SH3RF3: variants seen among roughly 807,000 people sequenced by gnomAD.
SH3RF3 encodes E3 ubiquitin-protein ligase SH3RF3.
A neutral mutation model predicts 66.3 loss-of-function variants in SH3RF3; 29 were observed. The ratio of observed to expected loss-of-function variants is 0.44; its 90% CI spans 0.33 to 0.60. SH3RF3 has a LOEUF of 0.60. Among genes scored for constraint, SH3RF3 ranks in the 20% least tolerant of loss-of-function variants. The probability of loss-of-function intolerance (pLI) is 0.04; values close to 1 mark genes in which losing one functional copy is unlikely to be tolerated. For missense variants in SH3RF3, 1,194 were observed against 1,190.9 expected, an observed-to-expected ratio of 1.00 and a Z score of -0.04; for synonymous variants, 583 against 532.0, an observed-to-expected ratio of 1.10 and a Z score of -1.32.
chr2:109,137,719 C>T (rs1400417838), intron 1 of SH3RF3, among the ~76,000 whole-genome samples: 2 of 152,228 alleles, frequency 1.3e-5, no homozygotes, highest in African/African-American at 4.8e-5. Context: ...TAAATGGTTG[C>T]AGGTTAACTA....
intron 1 of SH3RF3, among the ~76,000 whole-genome samples, chr2:109,289,412 T>C (rs1165985715): frequency 1.3e-5 from 2 of 152,196 alleles, no homozygotes; most frequent in African/African-American, 4.8e-5. Context: ...CACAAACTGT[T>C]GTTGGAACAT....
chr2:109,227,763 T>C (rs925046618), intron 1 of SH3RF3, among the ~76,000 whole-genome samples: 2 of 152,226 alleles, frequency 1.3e-5, no homozygotes, highest in Non-Finnish European at 2.9e-5. Flanking sequence ...GCAAGTTCTT[T>C]TTCTGGGTAG....
In SH3RF3 at chr2:109,176,973, G is replaced by C. The variant is rs138797749; in HGVS notation, c.573+46860G>C. On this transcript the variant is annotated intron_variant, in intron 1 of 9. Coordinates refer to ENST00000309415, the MANE Select transcript of SH3RF3 (RefSeq NM_001099289.3). The stretch of plus-strand genomic sequence containing the variant: ...AGATTTGGCATTTTAGGTGAGGTAT[G>C]ATGGCCTCAAGAGAGCCCTGCACTG... Among the ~76,000 whole-genome samples the C allele has an allele frequency of 2.0e-3, 298 of 152,298 alleles. 1 individual carries two copies. The highest frequency in any genetic ancestry group is 0.014 in the Middle Eastern group (4 of 294).
chr2:109,338,756 C>T (rs890249333), intron 1 of SH3RF3, among the ~76,000 whole-genome samples: 1 of 152,148 alleles, frequency 6.6e-6, no homozygotes, highest in Non-Finnish European at 1.5e-5. Context: ...TGGAGTTTCA[C>T]CATGTTGGCC....
At position 109,179,581 on chromosome 2, in the gene SH3RF3, T is replaced by C. The variant is rs188572963; in HGVS notation, c.573+49468T>C. On this transcript the variant is annotated intron_variant, in intron 1 of 9. Transcript: ENST00000309415. ...GAAGTCCAAGAACATGGTACTGGCA[T>C]CTGATGATATCCTTCCTGCTGTGTT... Among the ~76,000 whole-genome samples the C allele has an allele frequency of 1.5e-3, 230 of 152,340 alleles. 3 individuals carry two copies. The highest frequency in any genetic ancestry group is 3.7e-3 in the East Asian group (19 of 5,180).
At position 109,129,688 on chromosome 2, in the gene SH3RF3, T is replaced by C; in HGVS notation, c.148T>C (p.Ser50Pro). 1.3e-6 allele frequency: 2 copies of C among 1,525,738 alleles called. No individual in the cohort carries two copies. Among genetic ancestry groups the C allele is most frequent in the Non-Finnish European group, 1.8e-6 (2 of 1,141,472 alleles). The allele number at this position is 1,525,738 out of a possible 1,614,324, so 94.5% of individuals were successfully genotyped here. ...GGCGGGCGAGGACATGGACGAGTCG[T>C]CGCTGCTGGACCTGCTGGAGTGCTC... Reference protein sequence around the residue: ...AGAGEDMDESSLLDLLECSVC... With the variant: ...AGAGEDMDESPLLDLLECSVC... The change falls in exon 1 of 10, where the codon TCG (serine) becomes CCG (proline). Residue 50 changes from serine (S) to proline (P), a missense_variant. Ser to Pro is a moderately conservative substitution (Grantham distance 74). Coordinates refer to ENST00000309415, the MANE Select transcript of SH3RF3 (RefSeq NM_001099289.3).
intron 1 of SH3RF3, among the ~76,000 whole-genome samples, chr2:109,159,292 G>A (rs964694609): frequency 9.2e-5 from 14 of 152,188 alleles, no homozygotes; most frequent in East Asian, 1.9e-4. Flanking sequence ...TCTCTCTCAG[G>A]ACCGCTGCTG....
intron 1 of SH3RF3, among the ~76,000 whole-genome samples, chr2:109,222,872 A>G (rs1221286929): frequency 1.3e-5 from 2 of 152,266 alleles, no homozygotes; most frequent in Non-Finnish European, 1.5e-5. Flanking sequence ...ACCACATGGC[A>G]TCCCCAAGGT....
chr2:109,230,290 C>G (rs1350888317), intron 1 of SH3RF3, among the ~76,000 whole-genome samples: 1 of 152,050 alleles, frequency 6.6e-6, no homozygotes, highest in East Asian at 1.9e-4. Flanking sequence ...AAATCTGTAA[C>G]CCTGGCCAGG....
At chr2:109,485,767 C>G (rs1012454020) in intron 8 of SH3RF3, among the ~76,000 whole-genome samples, 3 of 152,276 alleles carry the variant, frequency 2.0e-5, no homozygotes, top group African/African-American at 7.2e-5. Context: ...CTGGATATAA[C>G]TCATAAGCTC....
intron 2 of SH3RF3, among the ~76,000 whole-genome samples, chr2:109,366,551 A>G (rs1377493141): frequency 6.6e-6 from 1 of 152,220 alleles, no homozygotes; most frequent in African/African-American, 2.4e-5. Context: ...CTCTAAGGCT[A>G]TATAAGAAGC....
chr2:109,307,430 T>A (rs577227998), intron 1 of SH3RF3, among the ~76,000 whole-genome samples: 252 of 132,290 alleles, frequency 1.9e-3, no homozygotes, highest in African/African-American at 8.2e-3. Context: ...ACTTTTTTTT[T>A]TTATTATTAT....
chr2:109,159,072 G>A (rs1474594437), intron 1 of SH3RF3, among the ~76,000 whole-genome samples: 4 of 152,204 alleles, frequency 2.6e-5, no homozygotes, highest in Non-Finnish European at 2.9e-5. Flanking sequence ...AACCCAGATC[G>A]CACCACTGCA....
Position 109,347,698 on chromosome 2 carries a change from A to G in SH3RF3, c.598A>G (p.Lys200Glu), listed in dbSNP as rs542216746. Residue 200 changes from lysine to glutamate, a missense_variant, in exon 2 of 10, where the codon AAG (lysine) becomes GAG (glutamate). Physicochemically the swap from Lys to Glu is moderately conservative, Grantham distance 56. Coordinates refer to ENST00000309415, the MANE Select transcript of SH3RF3 (RefSeq NM_001099289.3). ...GAATCCCTGCCTGCTTCCCTATGGC[A>G]AGGCCCTCTACAGCTACGAGGGGAA... ...AKNPCLLPYG[K>E]ALYSYEGKEP... 4.3e-6 allele frequency: 7 copies of G among 1,613,754 alleles called. No homozygotes were observed. In the East Asian group the frequency reaches 1.6e-4, roughly 36 times the overall value.
intron 1 of SH3RF3, among the ~76,000 whole-genome samples, chr2:109,205,752 G>A (rs947571817): frequency 3.9e-5 from 6 of 152,196 alleles, no homozygotes; most frequent in Non-Finnish European, 8.8e-5. Flanking sequence ...AGGCAGCCCC[G>A]CTCTGTGCAG....
At chr2:109,474,850 C>T (rs1264772729) in intron 8 of SH3RF3, among the ~76,000 whole-genome samples, 1 of 152,260 alleles carries the variant, frequency 6.6e-6, no homozygotes, top group Non-Finnish European at 1.5e-5. Flanking sequence ...AAAGTCTACA[C>T]TCACTCATAG....
chr2:109,318,209 C>T (rs535839032), intron 1 of SH3RF3, among the ~76,000 whole-genome samples: 21 of 151,926 alleles, frequency 1.4e-4, no homozygotes, highest in Admixed American at 9.8e-4. Flanking sequence ...TGGCAAATGC[C>T]GAGATTGTAA....
chr2:109,333,029 G>A (rs1682323991), intron 1 of SH3RF3, among the ~76,000 whole-genome samples: 1 of 152,250 alleles, frequency 6.6e-6, no homozygotes, highest in African/African-American at 2.4e-5. Flanking sequence ...GGCAGCCTGG[G>A]ATTGGGAATG....
intron 1 of SH3RF3, among the ~76,000 whole-genome samples, chr2:109,294,348 TC>T (rs1379425108): frequency 6.6e-6 from 1 of 151,788 alleles, no homozygotes; most frequent in Non-Finnish European, 1.5e-5. Flanking sequence ...ATCGCTTGAG[TC>T]CAGGAGCTCG....
Sources: gnomAD v4.1 joint callset for allele counts (sites outside exome capture counted in the v4.1 genomes callset) on GRCh38, gnomAD v4.1.1 for gene constraint, MANE v1.5 for transcripts, NCBI Gene and HGNC (gene_info 2026-07-23, HGNC 2026-07-21) for gene names.